The following NPTN variants were observed in gnomAD, a reference collection of about 807,000 sequenced individuals.
NPTN encodes the protein neuroplastin, also known as SDR-1.
NPTN carries 5 observed loss-of-function variants against 42.7 expected under a neutral mutation model. The observed-to-expected ratio is 0.12, with a 90% CI of 0.06 to 0.25. NPTN has a LOEUF of 0.25. NPTN is among the 10% of genes least tolerant of loss of function. NPTN has a pLI of 1.00. For synonymous variants in NPTN, 180 were observed against 201.9 expected (o/e 0.89, Z 0.92); for missense variants, 307 against 525.4 (o/e 0.58, Z 4.06).
Position 73,616,593 on chromosome 15 carries a change from A to C in NPTN, c.91+16532T>G, listed in dbSNP as rs534801510. Among the ~76,000 whole-genome samples the C allele has an allele frequency of 5.9e-4, 90 of 152,228 alleles. 2 individuals carry two copies. In the South Asian group the frequency reaches 0.018, roughly 31 times the overall value. The stretch of plus-strand genomic sequence containing the variant: ...CCTCAGGAAATCCCAAAATTCAGCC[A>C]ATTGTCCAAATCTATTCTATTCTCC... On this transcript the variant is annotated intron_variant, in intron 1 of 8. Coordinates refer to ENST00000345330, the MANE Select transcript of NPTN (RefSeq NM_012428.4).
At chr15:73,614,882 C>G (rs1424173084) in intron 1 of NPTN, among the ~76,000 whole-genome samples, 1 of 152,050 alleles carries the variant, frequency 6.6e-6, no homozygotes, top group African/African-American at 2.4e-5. Context: ...AAAGACTAGA[C>G]TTTGTTATAT....
intron 1 of NPTN, among the ~76,000 whole-genome samples, chr15:73,626,261 C>A (rs1898401648): frequency 6.6e-6 from 1 of 152,212 alleles, no homozygotes; most frequent in Admixed American, 6.5e-5. Context: ...ATTTTCCCAG[C>A]AAGTTTAATA....
intron 1 of NPTN, among the ~76,000 whole-genome samples, chr15:73,600,284 T>C (rs949835936): frequency 6.6e-6 from 1 of 152,180 alleles, no homozygotes; most frequent in African/African-American, 2.4e-5. Flanking sequence ...AAATGAACTT[T>C]TAAAACACAA....
rs142054532 is a variant in NPTN at position 73,630,210 on chromosome 15, T to C, written c.91+2915A>G. Among the ~76,000 whole-genome samples, 1,186 of 152,308 alleles carry C rather than the reference T, an allele frequency of 7.8e-3. 16 individuals are homozygous for C. The highest frequency in any genetic ancestry group is 0.013 in the South Asian group (64 of 4,824). ...ATGATTGTAATCTCCACTTTACAGA[T>C]GATGAACTGATGAAACTGAAGTTTG... On this transcript the variant is annotated intron_variant, in intron 1 of 8. Transcript: ENST00000345330.
At chr15:73,584,702 T>C (rs148845058) in intron 4 of NPTN, among the ~76,000 whole-genome samples, 51 of 146,202 alleles carry the variant, frequency 3.5e-4, no homozygotes, top group African/African-American at 1.0e-3. Context: ...ACCTGCCGAA[T>C]ACCTGAGAAA....
chr15:73,580,441 A>ATT (rs1555408012), intron 4 of NPTN, among the ~76,000 whole-genome samples: 3 of 113,908 alleles, frequency 2.6e-5, no homozygotes, highest in Admixed American at 1.8e-4. Context: ...TAATATATAT[A>ATT]ATATATATGT....
Position 73,560,655 on chromosome 15 carries a change from A to AT in NPTN, c.*407dup, listed in dbSNP as rs1336518762. On this transcript the variant is annotated 3_prime_UTR_variant, in exon 9 of 9. Transcript: ENST00000345330. ...ATATATATATATTTATATACTGTAT[A>AT]TATCTGTAGGTTTTGCTGTACTTTA... 3.3e-5 allele frequency: 5 copies of AT among 150,226 alleles called. No individual in the cohort carries two copies. The highest frequency in any genetic ancestry group is 1.2e-4 in the African/African-American group (5 of 41,040). The allele number at this position is 150,226 out of a possible 1,614,324, so 9.3% of individuals were successfully genotyped here.
chr15:73,564,267 G>T (rs1218461619), intron 6 of NPTN, among the ~76,000 whole-genome samples: 1 of 152,126 alleles, frequency 6.6e-6, no homozygotes, highest in African/African-American at 2.4e-5. Context: ...TGATTTCACT[G>T]AAGGCTTCTA....
chr15:73,576,986 T>G (rs1463703616), intron 4 of NPTN, among the ~76,000 whole-genome samples: 2 of 152,210 alleles, frequency 1.3e-5, no homozygotes, highest in Non-Finnish European at 2.9e-5. Flanking sequence ...TGTTGTTAGC[T>G]GTTCTTGAGG....
Position 73,612,558 on chromosome 15 carries a change from G to A in NPTN, c.92-15189C>T, listed in dbSNP as rs183623583. ...CGAGGTGGGCGGATCACGAGGTCAG[G>A]AGATTGAGACCATCCTGGCTAACAT... On this transcript the variant is annotated intron_variant, in intron 1 of 8. Transcript: ENST00000345330. 1.1e-3 allele frequency among the ~76,000 whole-genome samples: 171 copies of A among 152,196 alleles called. 2 individuals are homozygous for A. Among genetic ancestry groups the A allele is most frequent in the African/African-American group, 3.9e-3 (162 of 41,538 alleles).
chr15:73,577,567 T>C (rs12148719), intron 4 of NPTN, among the ~76,000 whole-genome samples: 83,177 of 152,018 alleles, frequency 0.55, 22,888 homozygotes, highest in African/African-American at 0.57. Context: ...CAAAACAGAC[T>C]CCCTTCTTGC....
At chr15:73,571,019 G>T (rs1195848436) in intron 5 of NPTN, among the ~76,000 whole-genome samples, 1 of 152,232 alleles carries the variant, frequency 6.6e-6, no homozygotes, top group East Asian at 1.9e-4. Context: ...AGAGGCTCAT[G>T]CCTGTAATCT....
At chr15:73,623,504 T>C (rs1018209060) in intron 1 of NPTN, among the ~76,000 whole-genome samples, 10 of 152,174 alleles carry the variant, frequency 6.6e-5, no homozygotes, top group Admixed American at 5.2e-4. Context: ...CTGGGCAACA[T>C]AGGGAGACCT....
chr15:73,610,202 T>G (rs1897508683), intron 1 of NPTN, among the ~76,000 whole-genome samples: 1 of 152,094 alleles, frequency 6.6e-6, no homozygotes, highest in Non-Finnish European at 1.5e-5. Context: ...TCCTCCCACC[T>G]CAGCCTCTAG....
intron 6 of NPTN, chr15:73,567,082 G>T: frequency 2.1e-6 from 2 of 968,148 alleles, no homozygotes; most frequent in Non-Finnish European, 2.4e-6. Flanking sequence ...CTAAATATTT[G>T]ATTTTCTAGT....
Position 73,633,179 on chromosome 15 carries a change from A to T in NPTN, c.37T>A (p.Ser13Thr). ...GSSLPSALAL[S>T]LLLVSGSLLP... ...AGGGAGCCAGAGACCAGCAACAGCG[A>T]GAGGGCCAGGGCGCTGGGCAGCGAC... Residue 13 changes from serine (S) to threonine (T), a missense_variant, in exon 1 of 9, where the codon TCG becomes ACG. By Grantham distance (58) the Ser-to-Thr change is moderately conservative. Around this residue, in one of 2 missense-constraint regions of NPTN, gnomAD observed 43 missense variants for 34.3 expected, o/e 1.25. Transcript: ENST00000345330. The T allele has an allele frequency of 6.6e-7, 1 of 1,521,400 alleles. No individual in the cohort carries two copies. Among genetic ancestry groups the T allele is most frequent in the African/African-American group, 1.5e-5 (1 of 68,782 alleles). The allele number at this position is 1,521,400 out of a possible 1,614,324, so 94.2% of individuals were successfully genotyped here. A position where few individuals can be genotyped will look rare whatever the true frequency, so the allele number is the denominator to read the frequency against.
At chr15:73,587,258 T>C (rs1295934503) in intron 4 of NPTN, among the ~76,000 whole-genome samples, 2 of 152,228 alleles carry the variant, frequency 1.3e-5, no homozygotes, top group South Asian at 4.1e-4. Flanking sequence ...TAACCCATGA[T>C]GTAAGTACTG....
At chr15:73,587,389 C>T (rs1377010582) in intron 4 of NPTN, 135 bp downstream of exon 4, 3 of 639,636 alleles carry the variant, frequency 4.7e-6, no homozygotes, top group Non-Finnish European at 8.3e-6. Flanking sequence ...CGATCCTGAG[C>T]CTGTGGCCTA....
Position 73,613,287 on chromosome 15 carries a change from C to G in NPTN, c.92-15918G>C, listed in dbSNP as rs376191852. Among the ~76,000 whole-genome samples the G allele has an allele frequency of 8.5e-5, 13 of 152,278 alleles. No homozygotes were observed. The East Asian group carries it at 1.2e-3, about 14-fold the overall frequency. ...GTCCTCCAAAGCACCTCCAAAATTC[C>G]TATTTTATTTTTATCTATTAAAATT... On this transcript the variant is annotated intron_variant, in intron 1 of 8. Transcript: ENST00000345330.
Sources: gnomAD v4.1 joint callset for allele counts (sites outside exome capture counted in the v4.1 genomes callset) on GRCh38, gnomAD v4.1.1 for gene constraint, gnomAD v4.1.1 regional missense constraint, MANE v1.5 for transcripts, NCBI Gene and HGNC (gene_info 2026-07-23, HGNC 2026-07-21) for gene names.